Variants in KIF18A observed in about 807,000 individuals in gnomAD.
KIF18A encodes the protein kinesin family member 18A, also known as kinesin-like protein KIF18A.
Under a neutral mutation model 103.3 loss-of-function variants are expected in KIF18A, and 67 were observed. The ratio of observed to expected loss-of-function variants is 0.65; its 90% CI spans 0.53 to 0.79. KIF18A has a LOEUF of 0.79. KIF18A is among the 30% of genes least tolerant of loss of function. The probability of loss-of-function intolerance (pLI) is 0.00; values close to 1 mark genes in which losing one functional copy is unlikely to be tolerated. For missense variants in KIF18A, 1,032 were observed against 1,062.5 expected, an observed-to-expected ratio of 0.97 and a Z score of 0.40; for synonymous variants, 367 against 355.5, an observed-to-expected ratio of 1.03 and a Z score of -0.36.
At chr11:28,076,531 C>T (rs773907204) in intron 10 of KIF18A, 1 of 152,170 alleles carries the variant, frequency 6.6e-6, no homozygotes, top group Non-Finnish European at 1.5e-5. Flanking sequence ...TTCTTGTGCA[C>T]TTAACTATGT....
chr11:28,092,921 T>C (rs889571290), intron 3 of KIF18A, among the ~76,000 whole-genome samples: 23 of 152,302 alleles, frequency 1.5e-4, no homozygotes, highest in Non-Finnish European at 7.4e-5. Context: ...AATCAAAAAT[T>C]AGAATAATTG....
At chr11:28,080,697 AC>A (rs1257998118) in intron 9 of KIF18A, among the ~76,000 whole-genome samples, 5 of 152,030 alleles carry the variant, frequency 3.3e-5, no homozygotes, top group Admixed American at 3.3e-4. Context: ...CAAATTAATA[AC>A]CCTAAAATGG....
intron 1 of KIF18A, among the ~76,000 whole-genome samples, chr11:28,104,936 C>G (rs1590717249): frequency 6.6e-6 from 1 of 152,184 alleles, no homozygotes; most frequent in East Asian, 1.9e-4. Context: ...ATATGAAGGT[C>G]TGAGTGAGAG....
intron 13 of KIF18A, among the ~76,000 whole-genome samples, chr11:28,057,485 A>G (rs1438854905): frequency 6.6e-6 from 1 of 152,142 alleles, no homozygotes; most frequent in Non-Finnish European, 1.5e-5. Flanking sequence ...ACTGCACTCC[A>G]GCCTGGGTGA....
intron 6 of KIF18A, among the ~76,000 whole-genome samples, chr11:28,086,411 A>G (rs1851228740): frequency 6.6e-6 from 1 of 152,226 alleles, no homozygotes; most frequent in Non-Finnish European, 1.5e-5. Context: ...AAAAAGAAAA[A>G]AGTAAAAGTA....
At chr11:28,068,227 C>G (rs1850962758) in intron 11 of KIF18A, among the ~76,000 whole-genome samples, 1 of 151,894 alleles carries the variant, frequency 6.6e-6, no homozygotes, top group Non-Finnish European at 1.5e-5. Flanking sequence ...ACAATGAGAA[C>G]ACATGGACAC....
At chr11:28,069,451 T>C (rs1218251681) in intron 10 of KIF18A, 28 bp from the exon 11 acceptor site, 1 of 1,599,178 alleles carries the variant, frequency 6.3e-7, no homozygotes, top group Non-Finnish European at 8.5e-7. Flanking sequence ...TAACAGTAAA[T>C]CTAATTTTTA....
chr11:28,077,914 TG>T (rs1446383221), intron 9 of KIF18A, among the ~76,000 whole-genome samples: 1 of 152,142 alleles, frequency 6.6e-6, no homozygotes, highest in East Asian at 1.9e-4. Context: ...GACTTCAAGC[TG>T]ATTAAATTTT....
chr11:28,026,090 A>G (rs1372063882), intron 15 of KIF18A, among the ~76,000 whole-genome samples: 2 of 151,904 alleles, frequency 1.3e-5, no homozygotes, highest in Admixed American at 6.6e-5. Flanking sequence ...TTATGTATGC[A>G]TTATATTTAA....
At chr11:28,090,865 T>G in intron 4 of KIF18A, 138 bp from the exon 5 acceptor site, 1 of 600,160 alleles carries the variant, frequency 1.7e-6, no homozygotes, top group Non-Finnish European at 2.9e-6. Flanking sequence ...AAATACTAAC[T>G]TTGTCTCATC....
Position 28,069,380 on chromosome 11 carries a change from C to T in KIF18A, c.1469G>A (p.Arg490His), listed in dbSNP as rs765748471. 5.3e-5 allele frequency: 85 copies of T among 1,613,520 alleles called. No homozygotes were observed. The highest frequency in any genetic ancestry group is 6.6e-5 in the Non-Finnish European group (78 of 1,179,776). The change falls in exon 11 of 17, where the codon CGT becomes CAT. Residue 490 changes from arginine to histidine, a missense_variant. Transcript: ENST00000263181. ...CCTCCTTTTCTCCAGGTAGGAGCGACGAGTTTTCAACATTGCAAGTCTATG... is the reference window on the plus strand; with the variant it reads ...CCTCCTTTTCTCCAGGTAGGAGCGATGAGTTTTCAACATTGCAAGTCTATG... ...RDHRLAMLKT[R>H]RSYLEKRREE...
intron 13 of KIF18A, among the ~76,000 whole-genome samples, chr11:28,042,600 T>C (rs1361419437): frequency 6.6e-6 from 1 of 151,936 alleles, no homozygotes; most frequent in Non-Finnish European, 1.5e-5. Flanking sequence ...TAGAATCTTT[T>C]CTTTTTGATA....
chr11:28,076,955 AGCCCCC>A, intron 10 of KIF18A, 46 bp downstream of exon 10: 2 of 847,144 alleles, frequency 2.4e-6, no homozygotes, highest in South Asian at 4.5e-5. Context: ...AAAAAAAAAA[AGCCCCC>A]ATGTTTTTAT....
intron 14 of KIF18A, 141 bp downstream of exon 14, chr11:28,036,076 G>C (rs1418052345): frequency 3.4e-6 from 2 of 582,074 alleles, no homozygotes; most frequent in Non-Finnish European, 5.9e-6. Flanking sequence ...TATTCAGAGA[G>C]AAAGATAATT....
At chr11:28,028,755 A>C (rs914011596) in intron 15 of KIF18A, among the ~76,000 whole-genome samples, 10 of 152,046 alleles carry the variant, frequency 6.6e-5, no homozygotes, top group Admixed American at 3.3e-4. Context: ...TTTTTTGAAA[A>C]GATCAACAAA....
chr11:28,034,367 A>G (rs1393876993), intron 15 of KIF18A, among the ~76,000 whole-genome samples: 1 of 151,738 alleles, frequency 6.6e-6, no homozygotes, highest in East Asian at 1.9e-4. Flanking sequence ...GATCCAATCA[A>G]GAATTAAGTT....
At chr11:28,064,045 ATATAT>A in intron 11 of KIF18A, among the ~76,000 whole-genome samples, 1 of 151,582 alleles carries the variant, frequency 6.6e-6, no homozygotes, top group African/African-American at 2.4e-5. Context: ...CATCCTATTT[ATATAT>A]TAAAGTTAGG....
chr11:28,094,901 T>G (rs1851349803), intron 2 of KIF18A, 101 bp from the exon 3 acceptor site: 1 of 1,173,728 alleles, frequency 8.5e-7, no homozygotes, highest in Admixed American at 2.1e-5. Context: ...CTGAACAGTA[T>G]CTTTAAACCC....
intron 13 of KIF18A, among the ~76,000 whole-genome samples, chr11:28,056,421 G>GA (rs1388764641): frequency 8.6e-5 from 13 of 151,658 alleles, no homozygotes; most frequent in Non-Finnish European, 1.6e-4. Context: ...TCCAGGAAGA[G>GA]AAAAAAACAT....
Sources: allele counts gnomAD v4.1 joint callset (sites outside exome capture counted in the v4.1 genomes callset), GRCh38; gene constraint gnomAD v4.1.1; transcripts MANE v1.5; gene names NCBI Gene and HGNC (gene_info 2026-07-23, HGNC 2026-07-21).